Variants in USP42 observed in about 807,000 individuals in gnomAD.
USP42 encodes the protein ubiquitin carboxyl-terminal hydrolase 42.
In USP42, 23 loss-of-function variants were observed where a neutral mutation model predicts 113.0. The ratio of observed to expected loss-of-function variants is 0.20; its 90% CI spans 0.15 to 0.29. The LOEUF (loss-of-function observed/expected upper bound fraction) is 0.29. USP42 is among the 10% of genes least tolerant of loss of function. The probability of loss-of-function intolerance (pLI) is 1.00; values close to 1 mark genes in which losing one functional copy is unlikely to be tolerated. For missense variants in USP42, 2,174 were observed against 1,779.8 expected, an observed-to-expected ratio of 1.22 and a Z score of -3.99; for synonymous variants, 933 against 699.0, an observed-to-expected ratio of 1.33 and a Z score of -5.28.
At chr7:6,126,896 A>G (rs564712192) in intron 3 of USP42, among the ~76,000 whole-genome samples, 1 of 152,290 alleles carries the variant, frequency 6.6e-6, no homozygotes, top group Admixed American at 6.5e-5. Context: ...CAGGACTGCA[A>G]ATGCTGGGTT....
intron 2 of USP42, among the ~76,000 whole-genome samples, chr7:6,114,678 ATTTTTTTTT>A (rs869283400): frequency 1.1e-4 from 2 of 18,874 alleles, no homozygotes; most frequent in Non-Finnish European, 1.5e-4. Flanking sequence ...ATATATATAT[ATTTTTTTTT>A]TTTTTTTTTT....
At chr7:6,151,738 C>T (rs1006762221) in intron 14 of USP42, among the ~76,000 whole-genome samples, 10 of 152,274 alleles carry the variant, frequency 6.6e-5, no homozygotes, top group Middle Eastern at 3.4e-3. Flanking sequence ...CCACCGTGCC[C>T]GGCCAGCAGA....
At chr7:6,136,095 C>T in intron 4 of USP42, 144 bp downstream of exon 4, 1 of 536,112 alleles carries the variant, frequency 1.9e-6, no homozygotes. Flanking sequence ...GCTTCCACCT[C>T]CCAGGTTCAA....
chr7:6,142,873 G>A, intron 7 of USP42, 59 bp from the exon 8 acceptor site: 2 of 1,567,556 alleles, frequency 1.3e-6, no homozygotes, highest in Non-Finnish European at 8.8e-7. Context: ...GGCAGGGCAA[G>A]ACCCAAACAC....
intron 3 of USP42, among the ~76,000 whole-genome samples, chr7:6,126,508 A>G (rs969799528): frequency 6.6e-6 from 1 of 152,034 alleles, no homozygotes; most frequent in South Asian, 2.1e-4. Context: ...GATGGTCTCT[A>G]TCTCCTGACC....
At chr7:6,153,668 C>T in intron 14 of USP42, 88 bp from the exon 15 acceptor site, 5 of 1,343,776 alleles carry the variant, frequency 3.7e-6, no homozygotes, top group East Asian at 5.7e-5. Flanking sequence ...AGCAAATGAA[C>T]GTTTTGAAGT....
Position 6,111,113 on chromosome 7 carries a change from C to T in USP42, c.-9-12C>T, listed in dbSNP as rs924254551. 1 of 1,601,142 alleles carries T rather than the reference C, an allele frequency of 6.2e-7. No individual in the cohort carries two copies. The highest frequency in any genetic ancestry group is 8.5e-7 in the Non-Finnish European group (1 of 1,170,308). ...CCTGATGAAACAAATACATACTTTT[C>T]ATCTTTTGCAGAGTTGAACAATGAC... On this transcript the variant is annotated splice_polypyrimidine_tract_variant and intron_variant, in intron 1 of 17. Transcript: ENST00000306177.
Position 6,132,243 on chromosome 7 carries a change from C to G in USP42, c.443-3598C>G, listed in dbSNP as rs78500915. 6.1e-3 allele frequency among the ~76,000 whole-genome samples: 935 copies of G among 152,270 alleles called. 9 individuals carry two copies. Among genetic ancestry groups the G allele is most frequent in the African/African-American group, 0.022 (897 of 41,562 alleles). On this transcript the variant is annotated intron_variant, in intron 3 of 17. Coordinates refer to ENST00000306177, the MANE Select transcript of USP42 (RefSeq NM_032172.3). ...CTGGCCCGTTCTTTTTCTTTTAATA[C>G]TTGAAAGATATTATTCCACTGTCTT...
intron 1 of USP42, among the ~76,000 whole-genome samples, chr7:6,105,881 G>A (rs1779252664): frequency 6.6e-6 from 1 of 152,290 alleles, no homozygotes; most frequent in East Asian, 1.9e-4. Flanking sequence ...TTAGGAGGCC[G>A]TGGGGTCACT....
chr7:6,146,347 A>C (rs1284615600), intron 11 of USP42, 99 bp downstream of exon 11: 16 of 833,770 alleles, frequency 1.9e-5, no homozygotes, highest in East Asian at 2.8e-5. Flanking sequence ...TAAAAAAAAA[A>C]AAAAACCCAG....
At chr7:6,103,862 C>A (rs1317023877), upstream of USP42, among the ~76,000 whole-genome samples, 1 of 151,048 alleles carries the variant, frequency 6.6e-6, no homozygotes, top group Non-Finnish European at 1.5e-5. Flanking sequence ...TAGACCTGCC[C>A]GGGCAACAGT....
chr7:6,144,232 G>A lies in USP42; in HGVS notation c.990+36G>A, dbSNP rs376792206. 3.8e-5 allele frequency: 54 copies of A among 1,415,142 alleles called. 2 individuals are homozygous for A. In the South Asian group the frequency reaches 4.9e-4, roughly 13 times the overall value. The allele number at this position is 1,415,142 out of a possible 1,614,324, so 87.7% of individuals were successfully genotyped here. ...GATGTCATTAATCATGTTTTATGTC[G>A]AGCCTTTCGAAGCTTAACGTGTCTG... On this transcript the variant is annotated intron_variant, in intron 9 of 17. Coordinates refer to ENST00000306177, the MANE Select transcript of USP42 (RefSeq NM_032172.3).
chr7:6,094,541 G>A, the USP42 span, among the ~76,000 whole-genome samples: 2 of 151,410 alleles, frequency 1.3e-5, no homozygotes, highest in Non-Finnish European at 2.9e-5. Flanking sequence ...GTGGGTAGCG[G>A]TGGAATTAAG....
chr7:6,152,264 A>G (rs10253805), intron 14 of USP42, among the ~76,000 whole-genome samples: 43,831 of 152,150 alleles, frequency 0.29, 8,300 homozygotes, highest in East Asian at 0.75. Context: ...GCGCGGGTTC[A>G]TCATCAGGAA....
At chr7:6,116,728 C>T (rs1779931998) in intron 3 of USP42, 1 of 510,882 alleles carries the variant, frequency 2.0e-6, no homozygotes, top group Non-Finnish European at 3.9e-6. Context: ...AATCTCACCA[C>T]CTACCTAGGG....
chr7:6,141,141 A>T (rs908129918), intron 7 of USP42, among the ~76,000 whole-genome samples, 157 bp downstream of exon 7: 1 of 151,998 alleles, frequency 6.6e-6, no homozygotes, highest in African/African-American at 2.4e-5. Context: ...GCTTTGTAGT[A>T]AGCATCATAA....
chr7:6,096,118 C>T, the USP42 span, among the ~76,000 whole-genome samples: 6 of 150,772 alleles, frequency 4.0e-5, no homozygotes, highest in Admixed American at 6.6e-5. Context: ...GGCAGATGTT[C>T]GTGTTTTTCC....
At chr7:6,103,825 G>C (rs907470598), upstream of USP42, among the ~76,000 whole-genome samples, 4 of 151,068 alleles carry the variant, frequency 2.6e-5, no homozygotes, top group African/African-American at 4.9e-5. Flanking sequence ...AAGCCACGGA[G>C]GGGGAGCTGC....
intron 2 of USP42, among the ~76,000 whole-genome samples, chr7:6,114,359 G>A (rs539586552): frequency 6.6e-6 from 1 of 151,804 alleles, no homozygotes; most frequent in Non-Finnish European, 1.5e-5. Context: ...GTTCAAAGTG[G>A]ATATAAAAGA....
Sources: allele counts gnomAD v4.1 joint callset (sites outside exome capture counted in the v4.1 genomes callset), GRCh38; gene constraint gnomAD v4.1.1; transcripts MANE v1.5; gene names NCBI Gene and HGNC (gene_info 2026-07-23, HGNC 2026-07-21).